Variants in TIAM2 observed in about 807,000 individuals in gnomAD.
TIAM2 encodes the protein rho guanine nucleotide exchange factor TIAM2.
Under a neutral mutation model 152.9 loss-of-function variants are expected in TIAM2, and 80 were observed. The observed-to-expected ratio is 0.52, with a 90% confidence interval of 0.44 to 0.63. The LOEUF (loss-of-function observed/expected upper bound fraction) is 0.63, where lower values mean the gene tolerates loss of function less well. Among genes scored for constraint, TIAM2 ranks in the 30% least tolerant of loss-of-function variants. TIAM2 has a pLI of 0.00. For synonymous variants in TIAM2, 804 were observed against 838.0 expected, an observed-to-expected ratio of 0.96 and a Z score of 0.70; for missense variants, 1,965 against 2,120.1, an observed-to-expected ratio of 0.93 and a Z score of 1.44.
At chr6:155,008,849 T>C (rs916410142) in intron 1 of TIAM2, among the ~76,000 whole-genome samples, 2 of 152,212 alleles carry the variant, frequency 1.3e-5, no homozygotes, top group Non-Finnish European at 2.9e-5. Flanking sequence ...GAAACCTTAC[T>C]GTGATGTGTT....
At chr6:155,058,511 C>T (rs552110653) in intron 1 of TIAM2, among the ~76,000 whole-genome samples, 49 of 152,250 alleles carry the variant, frequency 3.2e-4, no homozygotes, top group African/African-American at 1.0e-3. Flanking sequence ...GAGCCCTTGA[C>T]GTTAATAAAA....
intron 14 of TIAM2, among the ~76,000 whole-genome samples, chr6:155,185,490 TTTTATTTA>T (rs57784770): frequency 0.12 from 18,168 of 145,846 alleles, 1,271 homozygotes; most frequent in East Asian, 0.28. Context: ...GTTAAGCCAC[TTTTATTTA>T]TTTATTTATT....
At chr6:155,121,259 T>C (rs1027513618) in intron 2 of TIAM2, among the ~76,000 whole-genome samples, 5 of 152,166 alleles carry the variant, frequency 3.3e-5, no homozygotes, top group Non-Finnish European at 7.3e-5. Flanking sequence ...ATGACAGACC[T>C]GAAACAGCAG....
chr6:155,257,153 T>C lies in TIAM2; in HGVS notation c.*32T>C. ...TCAATCCAGATATGGGTTAAATTCCTCATTTTACTTTTAAACTGGTGGTAA... is the reference window on the plus strand; with the variant it reads ...TCAATCCAGATATGGGTTAAATTCCCCATTTTACTTTTAAACTGGTGGTAA... On this transcript the variant is annotated 3_prime_UTR_variant, in exon 27 of 27. Transcript: ENST00000682666. The C allele has an allele frequency of 6.5e-6, 9 of 1,382,554 alleles. No individual in the cohort carries two copies. The highest frequency in any genetic ancestry group is 9.0e-6 in the Non-Finnish European group (9 of 998,038). The allele number at this position is 1,382,554 out of a possible 1,614,324, so 85.6% of individuals were successfully genotyped here.
Position 155,054,114 on chromosome 6 carries a change from A to G in TIAM2, c.-208-36175A>G, listed in dbSNP as rs149716878. 2.3e-3 allele frequency among the ~76,000 whole-genome samples: 354 copies of G among 152,296 alleles called. 3 individuals are homozygous for G. The highest frequency in any genetic ancestry group is 8.2e-3 in the African/African-American group (342 of 41,570). ...TTTGAACCTGGGAGGCGGAAGTGTC[A>G]GTAAGCTGAGATGGCACCACTGCAC... On this transcript the variant is annotated intron_variant, in intron 1 of 26. Coordinates refer to ENST00000682666, the MANE Select transcript of TIAM2 (RefSeq NM_012454.4).
At chr6:155,215,365 G>A (rs910070597) in intron 15 of TIAM2, among the ~76,000 whole-genome samples, 13 of 152,146 alleles carry the variant, frequency 8.5e-5, no homozygotes, top group African/African-American at 3.1e-4. Context: ...GTTAAAAGTG[G>A]AGAAAGGAGA....
chr6:155,016,841 T>A lies in TIAM2; in HGVS notation c.-209+21349T>A, dbSNP rs561983041. ...CTTGAACCTGGGAAGCGGAAGTTGC[T>A]GTGAGCCAAGATCATGCCACTGCAC... On this transcript the variant is annotated intron_variant, in intron 1 of 26. Transcript: ENST00000682666. Among the ~76,000 whole-genome samples the A allele has an allele frequency of 2.7e-3, 410 of 152,264 alleles. 1 individual carries two copies. The highest frequency in any genetic ancestry group is 6.8e-3 in the Middle Eastern group (2 of 294).
intron 2 of TIAM2, among the ~76,000 whole-genome samples, chr6:155,094,735 T>G (rs369571753): frequency 1.4e-5 from 2 of 145,092 alleles, no homozygotes; most frequent in African/African-American, 2.6e-5. Flanking sequence ...TTTTTTTTTT[T>G]TTGTTTTTTT....
chr6:155,234,007 G>GA (rs1782609122), intron 15 of TIAM2, among the ~76,000 whole-genome samples: 1 of 149,604 alleles, frequency 6.7e-6, no homozygotes, highest in African/African-American at 2.5e-5. Flanking sequence ...TTTTTTTGGG[G>GA]GGGGGTTGGG....
At chr6:154,999,871 G>T (rs1778284724) in intron 1 of TIAM2, among the ~76,000 whole-genome samples, 1 of 151,740 alleles carries the variant, frequency 6.6e-6, no homozygotes, top group Non-Finnish European at 1.5e-5. Context: ...TACAGACGGG[G>T]TTTCTCCATG....
chr6:155,217,210 G>T, intron 15 of TIAM2: 1 of 1,103,914 alleles, frequency 9.1e-7, no homozygotes, highest in Non-Finnish European at 1.2e-6. Flanking sequence ...TCTAAAGACT[G>T]ATATGCAGAT....
intron 15 of TIAM2, among the ~76,000 whole-genome samples, chr6:155,238,704 T>C (rs1782888524): frequency 6.6e-6 from 1 of 152,270 alleles, no homozygotes; most frequent in Admixed American, 6.5e-5. Context: ...ATGCTGCCTC[T>C]ATTCATTTAA....
chr6:155,022,091 C>T (rs546825360), intron 1 of TIAM2, among the ~76,000 whole-genome samples: 159 of 152,228 alleles, frequency 1.0e-3, no homozygotes, highest in Non-Finnish European at 2.1e-3. Flanking sequence ...TGTTTTCAGT[C>T]CAAAGGAGCT....
At chr6:155,069,577 C>T (rs1044815323) in intron 1 of TIAM2, among the ~76,000 whole-genome samples, 1 of 151,730 alleles carries the variant, frequency 6.6e-6, no homozygotes, top group Non-Finnish European at 1.5e-5. Flanking sequence ...AAGGTGGGCA[C>T]CCAAATAAGA....
intron 1 of TIAM2, among the ~76,000 whole-genome samples, chr6:155,033,578 A>G (rs1776862702): frequency 3.3e-5 from 5 of 152,046 alleles, no homozygotes; most frequent in Admixed American, 3.3e-4. Context: ...AGTATGAGTT[A>G]TGCTCAGAAA....
chr6:155,230,209 C>T (rs897183449), intron 15 of TIAM2, among the ~76,000 whole-genome samples: 2 of 152,204 alleles, frequency 1.3e-5, no homozygotes, highest in African/African-American at 2.4e-5. Context: ...CCCCTGAGCT[C>T]GTCTCCTTCA....
chr6:155,008,550 C>T (rs1778434605), intron 1 of TIAM2, among the ~76,000 whole-genome samples: 1 of 152,094 alleles, frequency 6.6e-6, no homozygotes, highest in African/African-American at 2.4e-5. Context: ...TTGGTACTCA[C>T]TGGTGGTCAC....
At position 155,074,452 on chromosome 6, in the gene TIAM2, A is replaced by T. The variant is rs550567452; in HGVS notation, c.-208-15837A>T. Among the ~76,000 whole-genome samples, 6 of 152,088 alleles carry T rather than the reference A, an allele frequency of 3.9e-5. No individual in the cohort carries two copies. In the South Asian group the frequency reaches 8.3e-4, roughly 21 times the overall value. On this transcript the variant is annotated intron_variant, in intron 1 of 26. Transcript: ENST00000682666. ...AACCTCCACCTCCCAGGTTCAAGGG[A>T]TTCTCCTGCCTCAGTCTCCTGAGTG...
intron 15 of TIAM2, among the ~76,000 whole-genome samples, chr6:155,220,151 G>A (rs1444149921): frequency 6.6e-6 from 1 of 152,232 alleles, no homozygotes; most frequent in Non-Finnish European, 1.5e-5. Flanking sequence ...CATGGTCTGT[G>A]CTGTGGGCTA....
Sources: allele counts gnomAD v4.1 joint callset (sites outside exome capture counted in the v4.1 genomes callset), GRCh38; gene constraint gnomAD v4.1.1; transcripts MANE v1.5; gene names NCBI Gene and HGNC (gene_info 2026-07-23, HGNC 2026-07-21).